Variants in XKR6 observed in about 807,000 individuals in gnomAD.
XKR6 encodes the protein XK related 6.
Under a neutral mutation model 56.7 loss-of-function variants are expected in XKR6, and 22 were observed. The observed-to-expected ratio is 0.39, with a 90% CI of 0.28 to 0.55. The LOEUF (loss-of-function observed/expected upper bound fraction) is 0.55. XKR6 is among the 20% of genes least tolerant of loss of function. The pLI, the probability that XKR6 is intolerant of heterozygous loss-of-function variation, is 0.66. For missense variants in XKR6, 852 were observed against 889.0 expected (o/e 0.96, Z 0.53); for synonymous variants, 524 against 387.8 (o/e 1.35, Z -4.13).
intron 1 of XKR6, among the ~76,000 whole-genome samples, chr8:10,958,675 G>T (rs567763496): frequency 1.3e-5 from 2 of 152,182 alleles, no homozygotes; most frequent in Non-Finnish European, 2.9e-5. Context: ...AGCCTGGGCC[G>T]CCCGCTGATG....
chr8:10,913,815 T>A (rs559695776), intron 2 of XKR6, among the ~76,000 whole-genome samples: 14 of 152,258 alleles, frequency 9.2e-5, no homozygotes, highest in South Asian at 8.3e-4. Flanking sequence ...GGACCCAAAG[T>A]CCTTGGTGAC....
chr8:11,002,625 T>A (rs1798268827), intron 1 of XKR6: 1 of 182,016 alleles, frequency 5.5e-6, no homozygotes. Context: ...ATATGCCTGA[T>A]GGGGGACACA....
At chr8:11,058,957 G>T (rs1799756538) in intron 1 of XKR6, among the ~76,000 whole-genome samples, 1 of 152,210 alleles carries the variant, frequency 6.6e-6, no homozygotes, top group Non-Finnish European at 1.5e-5. Flanking sequence ...GTACAACTTC[G>T]CAGCCAGGTG....
intron 1 of XKR6, among the ~76,000 whole-genome samples, chr8:11,167,158 C>CA (rs1263513694): frequency 6.6e-6 from 1 of 152,064 alleles, no homozygotes; most frequent in African/African-American, 2.4e-5. Context: ...CCTAAACCAT[C>CA]AAAAAACAAG....
At chr8:11,051,564 T>C (rs1358690340) in intron 1 of XKR6, among the ~76,000 whole-genome samples, 2 of 152,098 alleles carry the variant, frequency 1.3e-5, no homozygotes, top group African/African-American at 4.8e-5. Flanking sequence ...ATAAGGCAAA[T>C]CTTTGGCTCC....
intron 1 of XKR6, chr8:11,137,607 C>T (rs539850881): frequency 1.3e-5 from 6 of 456,250 alleles, no homozygotes; most frequent in African/African-American, 4.0e-5. Flanking sequence ...AGCTCTTCTA[C>T]ACCAAATGAA....
chr8:11,064,099 G>C (rs1049824804), intron 1 of XKR6, among the ~76,000 whole-genome samples: 1 of 151,862 alleles, frequency 6.6e-6, no homozygotes, highest in Non-Finnish European at 1.5e-5. Context: ...TCACTTCCTC[G>C]TGTTGCTTTC....
chr8:11,064,931 C>G (rs1292004030), intron 1 of XKR6, among the ~76,000 whole-genome samples: 3 of 152,172 alleles, frequency 2.0e-5, no homozygotes, highest in Non-Finnish European at 4.4e-5. Context: ...ATGGTTAAAA[C>G]TAGAAAGCAT....
intron 1 of XKR6, among the ~76,000 whole-genome samples, chr8:11,088,011 T>C (rs1797947373): frequency 6.6e-6 from 1 of 152,214 alleles, no homozygotes; most frequent in South Asian, 2.1e-4. Flanking sequence ...ATTGCCACTG[T>C]CAGATTGAAA....
chr8:11,046,005 A>C (rs956527154), intron 1 of XKR6, among the ~76,000 whole-genome samples: 5 of 152,260 alleles, frequency 3.3e-5, no homozygotes, highest in African/African-American at 1.2e-4. Flanking sequence ...AAAGTGGTGC[A>C]GCTGCTGTAG....
In XKR6 at chr8:10,905,490, C is replaced by T. The variant is rs575682365; in HGVS notation, c.962-6574G>A. On this transcript the variant is annotated intron_variant, in intron 2 of 2. Coordinates refer to ENST00000416569, the MANE Select transcript of XKR6 (RefSeq NM_173683.4). ...GGAGACCGAAACAGCAGTGAAGAGA[C>T]GTGGATGTGGCCACAGCCATATCCT... Among the ~76,000 whole-genome samples, 26 of 152,298 alleles carry T rather than the reference C, an allele frequency of 1.7e-4. No individual in the cohort carries two copies. The East Asian group carries it at 4.2e-3, about 25-fold the overall frequency.
chr8:11,050,430 A>C (rs1029877115), intron 1 of XKR6, among the ~76,000 whole-genome samples: 1 of 152,128 alleles, frequency 6.6e-6, no homozygotes, highest in Non-Finnish European at 1.5e-5. Flanking sequence ...TCCAGCTCCG[A>C]CAGTCTACAA....
intron 1 of XKR6, chr8:11,106,132 A>G (rs916478232): frequency 2.0e-5 from 3 of 152,040 alleles, no homozygotes; most frequent in Non-Finnish European, 4.4e-5. Context: ...ATTTGCTAAT[A>G]TGTTTTAAGG....
chr8:10,949,848 T>A (rs939869666), intron 1 of XKR6, among the ~76,000 whole-genome samples: 4 of 151,976 alleles, frequency 2.6e-5, no homozygotes, highest in Non-Finnish European at 5.9e-5. Context: ...CTCAGCAGCA[T>A]CTCTGAGCTG....
chr8:11,145,924 T>G (rs1027351671), intron 1 of XKR6, among the ~76,000 whole-genome samples: 26 of 152,140 alleles, frequency 1.7e-4, no homozygotes, highest in African/African-American at 5.8e-4. Context: ...GTTTGAGGAC[T>G]TACATGACTT....
intron 1 of XKR6, among the ~76,000 whole-genome samples, chr8:11,036,571 G>A (rs1044312367): frequency 6.6e-6 from 1 of 152,198 alleles, no homozygotes; most frequent in African/African-American, 2.4e-5. Context: ...TAACAAATTA[G>A]CCAGGTGGCT....
At chr8:10,928,951 G>C (rs778530898) in intron 1 of XKR6, among the ~76,000 whole-genome samples, 4 of 152,210 alleles carry the variant, frequency 2.6e-5, no homozygotes, top group Non-Finnish European at 5.9e-5. Flanking sequence ...ATACACGGGG[G>C]TGAAAGCAGC....
At chr8:10,916,509 A>T (rs1285706669) in intron 2 of XKR6, among the ~76,000 whole-genome samples, 1 of 152,250 alleles carries the variant, frequency 6.6e-6, no homozygotes, top group Non-Finnish European at 1.5e-5. Context: ...ACAGATGTGG[A>T]TGTCTTTCAC....
chr8:11,154,515 TA>T (rs1801416474), intron 1 of XKR6, among the ~76,000 whole-genome samples: 1 of 152,162 alleles, frequency 6.6e-6, no homozygotes, highest in South Asian at 2.1e-4. Context: ...ACAATAAGTG[TA>T]ACAGCTTTCA....
Sources: gnomAD v4.1 joint callset for allele counts (sites outside exome capture counted in the v4.1 genomes callset) on GRCh38, gnomAD v4.1.1 for gene constraint, MANE v1.5 for transcripts, NCBI Gene and HGNC (gene_info 2026-07-23, HGNC 2026-07-21) for gene names.